CREB1: variants seen among roughly 807,000 people sequenced by gnomAD.
CREB1 encodes the protein cAMP responsive element binding protein 1.
Under a neutral mutation model 42.0 loss-of-function variants are expected in CREB1, and 2 were observed. The ratio of observed to expected loss-of-function variants is 0.05; its 90% confidence interval spans 0.02 to 0.15. The LOEUF is 0.15. CREB1 is among the 10% of genes least tolerant of loss of function. The pLI, the probability that CREB1 is intolerant of heterozygous loss-of-function variation, is 1.00. For synonymous variants in CREB1, 123 were observed against 139.9 expected (o/e 0.88, Z 0.85); for missense variants, 199 against 388.9 (o/e 0.51, Z 4.11).
intron 2 of CREB1, among the ~76,000 whole-genome samples, chr2:207,558,580 G>A (rs1276643030): frequency 3.3e-5 from 5 of 149,866 alleles, no homozygotes; most frequent in Admixed American, 1.3e-4. Context: ...GGCTTTCTTC[G>A]TTGGTCTCCC....
intron 5 of CREB1, among the ~76,000 whole-genome samples, chr2:207,573,188 A>C (rs1220224211): frequency 6.6e-6 from 1 of 152,234 alleles, no homozygotes; most frequent in African/African-American, 2.4e-5. Flanking sequence ...CTAAGGATAC[A>C]TCCGTTACTT....
chr2:207,600,212 G>A lies in CREB1; in HGVS notation c.*3154G>A, dbSNP rs554424001. ...TCTTCATTTAGATATTCTTGGGGGG[G>A]GTGGCATTTGTATAATATATGTGTA... On this transcript the variant is annotated 3_prime_UTR_variant, in exon 8 of 8. Coordinates refer to ENST00000353267, the MANE Select transcript of CREB1 (RefSeq NM_004379.5). The A allele has an allele frequency of 6.0e-6, 1 of 166,762 alleles. No individual in the cohort carries two copies. The highest frequency in any genetic ancestry group is 2.2e-4 in the South Asian group (1 of 4,596). The allele number at this position is 166,762 out of a possible 1,614,324, so 10.3% of individuals were successfully genotyped here.
chr2:207,588,964 T>C (rs2084448485), intron 7 of CREB1, among the ~76,000 whole-genome samples: 1 of 152,150 alleles, frequency 6.6e-6, no homozygotes, highest in Non-Finnish European at 1.5e-5. Context: ...GTTTTAATTA[T>C]TTCTAATCTG....
At chr2:207,594,631 T>G (rs1460964343) in intron 7 of CREB1, among the ~76,000 whole-genome samples, 1 of 152,204 alleles carries the variant, frequency 6.6e-6, no homozygotes, top group Admixed American at 6.5e-5. Context: ...GATGGACATT[T>G]GGGCTGCTTC....
chr2:207,562,287 T>C (rs2081984340), intron 3 of CREB1, among the ~76,000 whole-genome samples: 1 of 152,190 alleles, frequency 6.6e-6, no homozygotes, highest in Admixed American at 6.5e-5. Flanking sequence ...CCTTTCTCTT[T>C]TTCACTTATA....
At chr2:207,572,130 A>C (rs1574866479) in intron 5 of CREB1, among the ~76,000 whole-genome samples, 1 of 151,218 alleles carries the variant, frequency 6.6e-6, no homozygotes, top group Admixed American at 6.6e-5. Flanking sequence ...GGAGGCTGAG[A>C]CAGGAGAATT....
At chr2:207,589,881 C>T (rs912852453) in intron 7 of CREB1, among the ~76,000 whole-genome samples, 2 of 152,016 alleles carry the variant, frequency 1.3e-5, no homozygotes, top group African/African-American at 2.4e-5. Context: ...TTTATGTCTA[C>T]GTTTATGGCT....
chr2:207,582,851 C>A, intron 7 of CREB1: 1 of 336,948 alleles, frequency 3.0e-6, no homozygotes, highest in Non-Finnish European at 5.9e-6. Context: ...TGAGATGGCA[C>A]TACTACTCCA....
At chr2:207,536,765 G>A (rs930607917) in intron 1 of CREB1, among the ~76,000 whole-genome samples, 14 of 151,676 alleles carry the variant, frequency 9.2e-5, no homozygotes, top group Middle Eastern at 3.2e-3. Flanking sequence ...CGAGGCGGGC[G>A]GATCACTTGA....
intron 7 of CREB1, among the ~76,000 whole-genome samples, chr2:207,587,072 T>A (rs906253086): frequency 6.6e-6 from 1 of 152,100 alleles, no homozygotes; most frequent in African/African-American, 2.4e-5. Context: ...ATGCAGCCAT[T>A]ACGGAAAACG....
intron 7 of CREB1, among the ~76,000 whole-genome samples, chr2:207,589,082 G>A (rs2084469522): frequency 6.6e-6 from 1 of 152,058 alleles, no homozygotes; most frequent in African/African-American, 2.4e-5. Context: ...ATCTTAGGGG[G>A]TGTATTAGTT....
chr2:207,590,558 T>A (rs762835976), intron 7 of CREB1, among the ~76,000 whole-genome samples: 4 of 152,122 alleles, frequency 2.6e-5, no homozygotes, highest in Admixed American at 6.6e-5. Flanking sequence ...CCTATTAATA[T>A]ATACCTTTGT....
intron 2 of CREB1, among the ~76,000 whole-genome samples, chr2:207,557,340 G>A (rs2081768571): frequency 6.6e-6 from 1 of 152,038 alleles, no homozygotes; most frequent in Non-Finnish European, 1.5e-5. Context: ...TTTTTCAGTG[G>A]TTTTATGAGA....
chr2:207,565,200 T>G (rs2082097115), intron 3 of CREB1, among the ~76,000 whole-genome samples: 1 of 152,154 alleles, frequency 6.6e-6, no homozygotes, highest in East Asian at 1.9e-4. Context: ...GACCCTACAT[T>G]AACACATCAT....
At chr2:207,553,861 T>C (rs1380665964) in intron 1 of CREB1, among the ~76,000 whole-genome samples, 1 of 152,226 alleles carries the variant, frequency 6.6e-6, no homozygotes, top group Middle Eastern at 3.2e-3. Context: ...TATAGTTTAG[T>C]GTTTAATCTT....
chr2:207,567,198 G>T (rs190725043), intron 3 of CREB1, among the ~76,000 whole-genome samples: 43 of 152,038 alleles, frequency 2.8e-4, no homozygotes, highest in Admixed American at 2.4e-3. Context: ...AAACTGATAA[G>T]TAATACTGAT....
At chr2:207,551,993 G>C (rs1287896133) in intron 1 of CREB1, among the ~76,000 whole-genome samples, 4 of 127,536 alleles carry the variant, frequency 3.1e-5, no homozygotes, top group Non-Finnish European at 6.2e-5. Context: ...AGTGAGCCGA[G>C]ATCGAGCCAT....
intron 1 of CREB1, among the ~76,000 whole-genome samples, chr2:207,543,242 T>C (rs1291198400): frequency 6.6e-6 from 1 of 152,230 alleles, no homozygotes; most frequent in Non-Finnish European, 1.5e-5. Context: ...CAAATATCTT[T>C]GATCTGCAGT....
At chr2:207,550,415 C>T (rs2081460688) in intron 1 of CREB1, 1 of 148,532 alleles carries the variant, frequency 6.7e-6, no homozygotes, top group Non-Finnish European at 1.5e-5. Context: ...AAATTCACAA[C>T]TCATTTCTTT....
Sources: gnomAD v4.1 joint callset for allele counts (sites outside exome capture counted in the v4.1 genomes callset) on GRCh38, gnomAD v4.1.1 for gene constraint, MANE v1.5 for transcripts, NCBI Gene and HGNC (gene_info 2026-07-23, HGNC 2026-07-21) for gene names.